Variants in ZNF485 observed in about 807,000 individuals in gnomAD.
ZNF485 encodes the protein Zinc finger protein 93 (Zinc finger protein HTF34).
In ZNF485, 9 loss-of-function variants were observed where a neutral mutation model predicts 10.8. The ratio of observed to expected loss-of-function variants is 0.83; its 90% confidence interval spans 0.50 to 1.45. The LOEUF is 1.45. Among genes scored for constraint, ZNF485 ranks in the 40% most tolerant of loss-of-function variants. The pLI, the probability that ZNF485 is intolerant of heterozygous loss-of-function variation, is 0.00. For synonymous variants in ZNF485, 187 were observed against 181.0 expected (o/e 1.03, Z -0.27); for missense variants, 487 against 528.0 (o/e 0.92, Z 0.76).
intron 2 of ZNF485, 31 bp from the exon 3 acceptor site, chr10:43,608,583 C>A: frequency 1.3e-6 from 2 of 1,589,604 alleles, no homozygotes; most frequent in Non-Finnish European, 1.7e-6. Flanking sequence ...CAGGGGTTCC[C>A]GGATGAGCAG....
At chr10:43,612,618 T>G (rs1838786991) in intron 4 of ZNF485, among the ~76,000 whole-genome samples, 1 of 152,230 alleles carries the variant, frequency 6.6e-6, no homozygotes, top group East Asian at 1.9e-4. Context: ...CATCCAGTAA[T>G]TCAAGGTCAT....
chr10:43,611,517 A>G (rs376061504), intron 4 of ZNF485, among the ~76,000 whole-genome samples: 12 of 152,208 alleles, frequency 7.9e-5, no homozygotes, highest in South Asian at 4.1e-4. Context: ...AAGTAAATCT[A>G]TAGAATAAAT....
intron 2 of ZNF485, chr10:43,607,418 T>C (rs1838674289): frequency 2.8e-6 from 1 of 355,956 alleles, no homozygotes; most frequent in Non-Finnish European, 5.2e-6. Flanking sequence ...AGGGGTGGAG[T>C]AGTGGGCGCC....
In ZNF485 at chr10:43,617,455, T is replaced by A; in HGVS notation, c.*86T>A. 6.1e-6 allele frequency: 6 copies of A among 975,948 alleles called. No homozygotes were observed. Among genetic ancestry groups the A allele is most frequent in the Non-Finnish European group, 9.1e-6 (6 of 661,162 alleles). The allele number at this position is 975,948 out of a possible 1,614,324, so 60.5% of individuals were successfully genotyped here. A position where few individuals can be genotyped will look rare whatever the true frequency, so the allele number is the denominator to read the frequency against. On this transcript the variant is annotated 3_prime_UTR_variant, in exon 5 of 5. Transcript: ENST00000361807. ...AATTATGCATTTAACAGAAATACTC[T>A]GTACTTCTGAGAGAACACATCACTT...
chr10:43,608,538 G>C, intron 2 of ZNF485, 76 bp from the exon 3 acceptor site: 1 of 1,528,806 alleles, frequency 6.5e-7, no homozygotes, highest in East Asian at 2.4e-5. Flanking sequence ...AGCTGGCTTT[G>C]ACCACCTTGC....
intron 3 of ZNF485, 65 bp from the exon 4 acceptor site, chr10:43,609,190 G>A (rs1486808938): frequency 4.6e-5 from 58 of 1,255,084 alleles, no homozygotes; most frequent in Non-Finnish European, 5.8e-5. Flanking sequence ...GCTTGTAACC[G>A]CCATCACATT....
rs1357952329 is a variant in ZNF485 at position 43,616,364 on chromosome 10, G to A, written c.321G>A (p.Glu107=). ...CTTCTGAAGCATCTGTTCTGGGAGA[G>A]CGAACGAAAAGTGTCATGATGGAAA... ...QSTSEASVLG[E]RTKSVMMEKG... The change falls in exon 5 of 5, where the codon GAG becomes GAA. Residue 107 remains glutamate, a synonymous_variant. Coordinates refer to ENST00000361807, the MANE Select transcript of ZNF485 (RefSeq NM_145312.4). 5 of 1,613,998 alleles carry A rather than the reference G, an allele frequency of 3.1e-6. No homozygotes were observed. In the Admixed American group the frequency reaches 5.0e-5, roughly 16 times the overall value.
intron 3 of ZNF485, 115 bp downstream of exon 3, chr10:43,608,855 T>C (rs1472746465): frequency 1.4e-6 from 2 of 1,428,838 alleles, no homozygotes; most frequent in Non-Finnish European, 1.9e-6. Context: ...TTTTGTTTTG[T>C]TTTTCTTAAG....
At chr10:43,614,545 C>A (rs1040394000) in intron 4 of ZNF485, among the ~76,000 whole-genome samples, 28 of 152,168 alleles carry the variant, frequency 1.8e-4, no homozygotes, top group Admixed American at 1.8e-3. Context: ...CCTCCTGCCT[C>A]AGCCTCCCAA....
At chr10:43,611,161 G>C (rs1838760614) in intron 4 of ZNF485, among the ~76,000 whole-genome samples, 1 of 152,080 alleles carries the variant, frequency 6.6e-6, no homozygotes, top group Middle Eastern at 3.4e-3. Context: ...TCAGCCTCCT[G>C]AGTAGCTGGG....
intron 4 of ZNF485, among the ~76,000 whole-genome samples, chr10:43,613,076 G>A (rs1311086726): frequency 6.6e-6 from 1 of 152,126 alleles, no homozygotes; most frequent in African/African-American, 2.4e-5. Context: ...CTAAGAGATT[G>A]ATAAGCTAGA....
At chr10:43,611,525 A>G (rs1036066695) in intron 4 of ZNF485, among the ~76,000 whole-genome samples, 1 of 152,188 alleles carries the variant, frequency 6.6e-6, no homozygotes, top group African/African-American at 2.4e-5. Context: ...CTATAGAATA[A>G]ATTCCTATAA....
rs1838874482 is a variant in ZNF485, at chr10:43,616,990, A to G, written c.947A>G (p.His316Arg). ...AGGAAGAGCTCAACTCTTATTAGTCACCAAAGAATGCATACTGGGGAGAAA... is the reference window on the plus strand; with the variant it reads ...AGGAAGAGCTCAACTCTTATTAGTCGCCAAAGAATGCATACTGGGGAGAAA... ...AFRKSSTLIS[H>R]QRMHTGEKPY... is the part of the protein sequence containing the mutation. Residue 316 changes from histidine to arginine, a missense_variant, in exon 5 of 5, where the codon CAC (histidine) becomes CGC (arginine). Physicochemically the swap from His to Arg is conservative, Grantham distance 29. Transcript: ENST00000361807. The G allele has an allele frequency of 3.1e-6, 5 of 1,614,050 alleles. No homozygotes were observed. The South Asian group carries it at 3.3e-5, about 11-fold the overall frequency.
At chr10:43,614,553 C>T (rs998594602) in intron 4 of ZNF485, among the ~76,000 whole-genome samples, 1 of 152,126 alleles carries the variant, frequency 6.6e-6, no homozygotes, top group African/African-American at 2.4e-5. Context: ...CTCAGCCTCC[C>T]AAAGTGCTGG....
intron 4 of ZNF485, 149 bp downstream of exon 4, chr10:43,609,499 G>A (rs1564481665): frequency 1.7e-6 from 1 of 602,670 alleles, no homozygotes; most frequent in Non-Finnish European, 2.9e-6. Flanking sequence ...GTGGCTGGCC[G>A]CTTTTCTCCC....
chr10:43,608,884 A>G (rs1464883726), intron 3 of ZNF485, 144 bp downstream of exon 3: 2 of 1,162,542 alleles, frequency 1.7e-6, no homozygotes, highest in Non-Finnish European at 2.4e-6. Context: ...TAGAGGCTGG[A>G]GTTTATGCCC....
Position 43,608,732 on chromosome 10 carries a change from T to A in ZNF485, c.143T>A (p.Val48Glu), listed in dbSNP as rs1205894214. ...ATGCTGGAGAACTATGGGAATCTGG[T>A]GTCTGTGGGTGAGGATGGCTTTCTC... ...DVMLENYGNL[V>E]SVGLLSSKPK... Residue 48 changes from valine (V) to glutamate (E), a missense_variant, in exon 3 of 5, where the codon GTG becomes GAG. Transcript: ENST00000361807. The A allele has an allele frequency of 1.9e-6, 3 of 1,613,786 alleles. No homozygotes were observed. The highest frequency in any genetic ancestry group is 2.5e-6 in the Non-Finnish European group (3 of 1,179,906).
rs1398590063 is a variant in ZNF485, at chr10:43,617,297, T to C, written c.1254T>C (p.Ala418=). Residue 418 remains alanine (A), a synonymous_variant, in exon 5 of 5, where the codon GCT becomes GCC. Coordinates refer to ENST00000361807, the MANE Select transcript of ZNF485 (RefSeq NM_145312.4). Reference sequence around the variant, plus strand: ...ATAAATGTAATGAATGTGGGAAAGCTTTTCCCCGAAGTTCAGCCCTTAAGC... The same window carrying C: ...ATAAATGTAATGAATGTGGGAAAGCCTTTCCCCGAAGTTCAGCCCTTAAGC... ...KPYKCNECGK[A]FPRSSALKQH... The C allele has an allele frequency of 4.4e-6, 7 of 1,604,240 alleles. No homozygotes were observed. Among genetic ancestry groups the C allele is most frequent in the Non-Finnish European group, 6.0e-6 (7 of 1,176,382 alleles).
chr10:43,616,619 G>C lies in ZNF485; in HGVS notation c.576G>C (p.Gly192=). 1 of 1,614,208 alleles carries C rather than the reference G, an allele frequency of 6.2e-7. No individual in the cohort carries two copies. Among genetic ancestry groups the C allele is most frequent in the Non-Finnish European group, 8.5e-7 (1 of 1,180,044 alleles). ...AGCCTTATAGATGTATTGAATGTGG[G>C]AAGTTCCTGAAGAAGCACTCAACGT... is the stretch of plus-strand genomic sequence containing the variant. ...GKQPYRCIEC[G]KFLKKHSTFI... The change falls in exon 5 of 5, where the codon GGG becomes GGC. Residue 192 remains glycine (G), a synonymous_variant. Coordinates refer to ENST00000361807, the MANE Select transcript of ZNF485 (RefSeq NM_145312.4).
Sources: gnomAD v4.1 joint callset for allele counts (sites outside exome capture counted in the v4.1 genomes callset) on GRCh38, gnomAD v4.1.1 for gene constraint, MANE v1.5 for transcripts, NCBI Gene and HGNC (gene_info 2026-07-23, HGNC 2026-07-21) for gene names.